Variants in PARD3B observed in about 807,000 individuals in gnomAD.
PARD3B encodes the protein par-3 family cell polarity regulator beta, also known as partitioning defective 3 homolog B.
In PARD3B, 103 loss-of-function variants were observed where a neutral mutation model predicts 130.2. The observed-to-expected ratio is 0.79, with a 90% CI of 0.67 to 0.93. The LOEUF (loss-of-function observed/expected upper bound fraction) is 0.93. Among genes scored for constraint, PARD3B ranks in the 40% least tolerant of loss-of-function variants. The probability of loss-of-function intolerance (pLI) is 0.00; values close to 1 mark genes in which losing one functional copy is unlikely to be tolerated. For synonymous variants in PARD3B, 583 were observed against 553.2 expected (o/e 1.05, Z -0.76); for missense variants, 1,609 against 1,499.2 (o/e 1.07, Z -1.21).
chr2:204,691,478 A>G (rs1312510552), intron 2 of PARD3B, among the ~76,000 whole-genome samples: 1 of 152,082 alleles, frequency 6.6e-6, no homozygotes, highest in Non-Finnish European at 1.5e-5. Context: ...CTGGTATTCA[A>G]ATGTTATAAT....
At chr2:204,790,495 G>A (rs1266004819) in intron 2 of PARD3B, among the ~76,000 whole-genome samples, 2 of 152,282 alleles carry the variant, frequency 1.3e-5, no homozygotes, top group African/African-American at 4.8e-5. Context: ...AGATTAAGAC[G>A]TGGTGTGTTA....
At chr2:204,580,437 A>C (rs2032495397) in intron 1 of PARD3B, among the ~76,000 whole-genome samples, 1 of 151,964 alleles carries the variant, frequency 6.6e-6, no homozygotes, top group Non-Finnish European at 1.5e-5. Context: ...TCTGATACTG[A>C]TAAGTTTCTT....
intron 1 of PARD3B, among the ~76,000 whole-genome samples, chr2:204,641,294 A>C (rs1219546197): frequency 2.6e-5 from 4 of 151,526 alleles, no homozygotes; most frequent in Non-Finnish European, 4.4e-5. Flanking sequence ...GGAACTTCTA[A>C]GGACTCATAC....
chr2:205,113,661 G>T (rs1410061434), intron 6 of PARD3B, 84 bp downstream of exon 6: 1 of 981,412 alleles, frequency 1.0e-6, no homozygotes, highest in Non-Finnish European at 1.5e-6. Context: ...TTCACAAGGA[G>T]ATTAAATGTG....
intron 10 of PARD3B, among the ~76,000 whole-genome samples, chr2:205,150,620 A>T (rs181927111): frequency 3.9e-5 from 6 of 152,182 alleles, no homozygotes; most frequent in African/African-American, 1.4e-4. Flanking sequence ...GGCACTAATT[A>T]TGGCTTAAGC....
chr2:205,271,885 C>T (rs2040740575), intron 16 of PARD3B, among the ~76,000 whole-genome samples: 1 of 152,102 alleles, frequency 6.6e-6, no homozygotes, highest in Non-Finnish European at 1.5e-5. Flanking sequence ...CGGCTGGGTG[C>T]GGTGGCTCCT....
rs1041439834 is a variant in PARD3B at position 204,967,061 on chromosome 2, T to G, written c.394+1738T>G. Among the ~76,000 whole-genome samples, 1 of 152,204 alleles carries G rather than the reference T, an allele frequency of 6.6e-6. No homozygotes were observed. The highest frequency in any genetic ancestry group is 2.4e-5 in the African/African-American group (1 of 41,460). Reference sequence around the variant, plus strand: ...CCATTTTGCTGTGCTGCCTCTGACATGCAATTCCTAAAACAACCAACTAAT... The same window carrying G: ...CCATTTTGCTGTGCTGCCTCTGACAGGCAATTCCTAAAACAACCAACTAAT... On this transcript the variant is annotated intron_variant, in intron 3 of 22. Transcript: ENST00000406610. This position sits in a 1 kb window ranked among gnomAD's most constrained non-coding sequence, Gnocchi z 4.4.
intron 20 of PARD3B, among the ~76,000 whole-genome samples, chr2:205,442,857 C>G (rs2047769427): frequency 6.6e-6 from 1 of 152,180 alleles, no homozygotes; most frequent in African/African-American, 2.4e-5. Flanking sequence ...AAATTATTGA[C>G]TGCCCAGTCC....
intron 20 of PARD3B, among the ~76,000 whole-genome samples, chr2:205,483,878 A>T (rs2049337310): frequency 6.6e-6 from 1 of 152,148 alleles, no homozygotes; most frequent in South Asian, 2.1e-4. Flanking sequence ...TGGAAAAGAG[A>T]TTATTTGTTA....
At chr2:205,136,483 C>T (rs557486219) in intron 10 of PARD3B, among the ~76,000 whole-genome samples, 12 of 152,172 alleles carry the variant, frequency 7.9e-5, no homozygotes, top group Non-Finnish European at 1.5e-4. Context: ...GCTATGCATT[C>T]GTCCCATAAA....
rs181246149 is a variant in PARD3B at position 205,445,544 on chromosome 2, C to T, written c.3044+4872C>T. The stretch of plus-strand genomic sequence containing the variant: ...GAGGTGCTACACACTTCTAAACGGC[C>T]GGATCTCACGAGAACTCACTCACCA... On this transcript the variant is annotated intron_variant, in intron 20 of 22. Transcript: ENST00000406610. 2.7e-4 allele frequency among the ~76,000 whole-genome samples: 41 copies of T among 152,122 alleles called. No homozygotes were observed. In the East Asian group the frequency reaches 6.8e-3, roughly 25 times the overall value.
chr2:205,156,634 G>A (rs2125708960), intron 10 of PARD3B, among the ~76,000 whole-genome samples: 1 of 152,038 alleles, frequency 6.6e-6, no homozygotes, highest in South Asian at 2.1e-4. Context: ...TGTAAACATG[G>A]CGTTTATTTG....
chr2:205,357,252 G>A (rs2044228767), intron 18 of PARD3B, among the ~76,000 whole-genome samples: 1 of 152,112 alleles, frequency 6.6e-6, no homozygotes, highest in African/African-American at 2.4e-5. Flanking sequence ...AGGAGTTTCG[G>A]GTGTGTATGT....
intron 16 of PARD3B, among the ~76,000 whole-genome samples, chr2:205,295,834 G>T (rs1019581434): frequency 3.9e-5 from 6 of 152,052 alleles, no homozygotes; most frequent in Admixed American, 2.0e-4. Flanking sequence ...TATCACAATG[G>T]CCTCTATATG....
At position 204,685,161 on chromosome 2, in the gene PARD3B, A is replaced by G. The variant is rs1370684084; in HGVS notation, c.121-1020A>G. 3.9e-5 allele frequency among the ~76,000 whole-genome samples: 6 copies of G among 152,288 alleles called. 1 individual carries two copies. The South Asian group carries it at 8.3e-4, about 21-fold the overall frequency. ...GTTCTTATCCCTAATAAAGATTTGT[A>G]TGGGAAAGGCTTAGAGCTGTATCCT... On this transcript the variant is annotated intron_variant, in intron 1 of 22. Transcript: ENST00000406610.
chr2:204,947,934 C>T (rs530638956), intron 2 of PARD3B, among the ~76,000 whole-genome samples: 3 of 152,270 alleles, frequency 2.0e-5, no homozygotes, highest in East Asian at 3.9e-4. Context: ...TTTGTATACT[C>T]ATGTGCTTCA....
intron 21 of PARD3B, among the ~76,000 whole-genome samples, chr2:205,503,622 G>A (rs1041251430): frequency 6.6e-6 from 1 of 152,086 alleles, no homozygotes; most frequent in East Asian, 1.9e-4. Context: ...CTCCAGCTTT[G>A]TTCTTTTGTC....
intron 2 of PARD3B, among the ~76,000 whole-genome samples, chr2:204,861,207 TC>T (rs2045181589): frequency 7.3e-6 from 1 of 137,082 alleles, no homozygotes; most frequent in Non-Finnish European, 1.5e-5. Context: ...TCTCTCTCTC[TC>T]TCTCTCGTAC....
chr2:204,674,474 A>C (rs544487473), intron 1 of PARD3B, among the ~76,000 whole-genome samples: 96 of 140,472 alleles, frequency 6.8e-4, no homozygotes, highest in South Asian at 4.5e-3. Flanking sequence ...ATAATCCCTT[A>C]CTATTCCTAT....
Sources: allele counts gnomAD v4.1 joint callset (sites outside exome capture counted in the v4.1 genomes callset), GRCh38; gene constraint gnomAD v4.1.1; non-coding constraint Gnocchi (gnomAD v3.1); transcripts MANE v1.5; gene names NCBI Gene and HGNC (gene_info 2026-07-23, HGNC 2026-07-21).